The following ZFHX3 variants were observed in gnomAD, a reference collection of about 807,000 sequenced individuals.
The protein encoded by ZFHX3 is zinc finger homeobox protein 3.
ZFHX3 carries 42 observed loss-of-function variants against 279.1 expected under a neutral mutation model. That is an observed-to-expected ratio of 0.15 (90% confidence interval 0.12 to 0.19). The LOEUF is 0.19. Ranked by LOEUF, ZFHX3 falls within the 10% of genes least tolerant of loss-of-function variation. ZFHX3 has a pLI of 1.00. For missense variants in ZFHX3, 4,981 were observed against 4,754.0 expected, an observed-to-expected ratio of 1.05 and a Z score of -1.40; for synonymous variants, 2,293 against 1,957.8, an observed-to-expected ratio of 1.17 and a Z score of -4.52.
At chr16:73,181,914 G>C (rs1022934831) in intron 5 of ZFHX3, among the ~76,000 whole-genome samples, 2 of 152,242 alleles carry the variant, frequency 1.3e-5, no homozygotes, top group African/African-American at 4.8e-5. Flanking sequence ...CACCAAGAGG[G>C]ACAGGTAACT....
At chr16:73,309,899 T>C (rs374053437) in intron 4 of ZFHX3, among the ~76,000 whole-genome samples, 3 of 125,866 alleles carry the variant, frequency 2.4e-5, no homozygotes, top group Non-Finnish European at 4.8e-5. Context: ...GACTCGTTTT[T>C]TCTTGCCTTT....
chr16:72,998,191 G>A (rs1467138266), intron 1 of ZFHX3, among the ~76,000 whole-genome samples: 1 of 152,066 alleles, frequency 6.6e-6, no homozygotes, highest in African/African-American at 2.4e-5. Flanking sequence ...ACCTGAGGTC[G>A]GGAGTTTGAG....
chr16:72,972,159 C>T (rs182654697), intron 1 of ZFHX3, among the ~76,000 whole-genome samples: 1 of 152,236 alleles, frequency 6.6e-6, no homozygotes, highest in East Asian at 1.9e-4. Context: ...ACCTAAAGTG[C>T]TGGGATTACA....
At chr16:73,200,122 G>C (rs1968235959) in intron 5 of ZFHX3, among the ~76,000 whole-genome samples, 1 of 152,108 alleles carries the variant, frequency 6.6e-6, no homozygotes, top group Admixed American at 6.6e-5. Context: ...GAGAGTTTTT[G>C]AGTAAAACAT....
chr16:73,509,528 T>TC (rs2143683439), intron 2 of ZFHX3, among the ~76,000 whole-genome samples: 1 of 143,788 alleles, frequency 7.0e-6, no homozygotes, highest in African/African-American at 2.6e-5. Context: ...CTCCTTTTTT[T>TC]TTTTTTTTTT....
intron 2 of ZFHX3, among the ~76,000 whole-genome samples, chr16:73,539,499 C>G (rs2019974235): frequency 8.2e-6 from 1 of 122,370 alleles, no homozygotes; most frequent in Non-Finnish European, 1.6e-5. Context: ...TTTATTACCT[C>G]AGGCAAACTC....
intron 1 of ZFHX3, among the ~76,000 whole-genome samples, chr16:73,795,425 G>C (rs1268053829): frequency 6.6e-6 from 1 of 152,184 alleles, no homozygotes; most frequent in East Asian, 1.9e-4. Context: ...TTGCAAACGA[G>C]AGTCAGTCTT....
At chr16:73,802,561 G>C (rs1370001565) in intron 1 of ZFHX3, among the ~76,000 whole-genome samples, 2 of 152,182 alleles carry the variant, frequency 1.3e-5, no homozygotes, top group Non-Finnish European at 2.9e-5. Context: ...TCAGGGAAAA[G>C]AATGAGAAAG....
chr16:73,804,637 T>C (rs959979626), intron 1 of ZFHX3, among the ~76,000 whole-genome samples: 2 of 152,086 alleles, frequency 1.3e-5, no homozygotes, highest in Non-Finnish European at 1.5e-5. Context: ...TAGAAGCTTC[T>C]AGCATCATGG....
intron 2 of ZFHX3, among the ~76,000 whole-genome samples, chr16:73,521,081 GA>G (rs779596185): frequency 1.1e-4 from 17 of 151,988 alleles, no homozygotes; most frequent in Admixed American, 9.8e-4. Context: ...ACAAATGAAC[GA>G]AAAAATCTCA....
At chr16:73,305,584 C>T (rs1426807866) in intron 4 of ZFHX3, among the ~76,000 whole-genome samples, 6 of 151,808 alleles carry the variant, frequency 4.0e-5, no homozygotes, top group Non-Finnish European at 8.8e-5. Context: ...CTCACATGGC[C>T]GTGTGCATTT....
At chr16:73,485,323 A>G (rs1314345965) in intron 2 of ZFHX3, among the ~76,000 whole-genome samples, 1 of 151,960 alleles carries the variant, frequency 6.6e-6, no homozygotes, top group East Asian at 1.9e-4. Flanking sequence ...ACAAGGGAAT[A>G]CTGGCCCCCA....
intron 2 of ZFHX3, among the ~76,000 whole-genome samples, chr16:73,589,092 C>G (rs1016448999): frequency 6.6e-6 from 1 of 151,052 alleles, no homozygotes; most frequent in Non-Finnish European, 1.5e-5. Flanking sequence ...AACTCCATCT[C>G]TACTAAAAAT....
At chr16:73,716,440 A>AAGG (rs2053414941) in intron 1 of ZFHX3, among the ~76,000 whole-genome samples, 1 of 152,178 alleles carries the variant, frequency 6.6e-6, no homozygotes, top group African/African-American at 2.4e-5. Flanking sequence ...AATCGCAATT[A>AAGG]AAAAGACGGG....
At chr16:73,143,775 A>T (rs747744143) in exon 6 of ZFHX3, 15 of 1,305,470 alleles carry the variant, frequency 1.1e-5, no homozygotes, top group Non-Finnish European at 4.0e-6. Flanking sequence ...GCAAAGCTGG[A>T]CACCATCCAA....
chr16:73,160,729 C>T (rs527434954), intron 5 of ZFHX3, among the ~76,000 whole-genome samples: 4 of 151,462 alleles, frequency 2.6e-5, no homozygotes, highest in Admixed American at 1.3e-4. Context: ...AATAGGAATC[C>T]TGTCACGGCA....
intron 1 of ZFHX3, among the ~76,000 whole-genome samples, chr16:73,878,441 C>T (rs1158092244): frequency 6.6e-6 from 1 of 152,004 alleles, no homozygotes; most frequent in Non-Finnish European, 1.5e-5. Flanking sequence ...CTTTTTTAAG[C>T]CTTCTCTTCA....
intron 2 of ZFHX3, among the ~76,000 whole-genome samples, chr16:73,529,976 T>G (rs1033444392): frequency 1.3e-5 from 2 of 152,162 alleles, no homozygotes; most frequent in African/African-American, 4.8e-5. Context: ...CCATTGTATT[T>G]GATAGTTGAA....
At chr16:73,211,625 C>T (rs1263799079) in intron 5 of ZFHX3, among the ~76,000 whole-genome samples, 1 of 151,626 alleles carries the variant, frequency 6.6e-6, no homozygotes, top group East Asian at 1.9e-4. Flanking sequence ...AGTGCAGGAA[C>T]TGGCAAAATT....
Sources: gnomAD v4.1 joint callset for allele counts (sites outside exome capture counted in the v4.1 genomes callset) on GRCh38, gnomAD v4.1.1 for gene constraint, MANE v1.5 for transcripts, NCBI Gene and HGNC (gene_info 2026-07-23, HGNC 2026-07-21) for gene names.